ANKRD55: variants seen among roughly 807,000 people sequenced by gnomAD.
ANKRD55 encodes the protein ankyrin repeat domain-containing protein 55.
ANKRD55 carries 41 observed loss-of-function variants against 60.6 expected under a neutral mutation model. The observed-to-expected ratio is 0.68, with a 90% CI of 0.53 to 0.88. The LOEUF is 0.88. Ranked by LOEUF, ANKRD55 falls within the 40% of genes least tolerant of loss-of-function variation. The probability of loss-of-function intolerance (pLI) is 0.00; values close to 1 mark genes in which losing one functional copy is unlikely to be tolerated. For missense variants in ANKRD55, 732 were observed against 767.6 expected (o/e 0.95, Z 0.55); for synonymous variants, 264 against 290.3 (o/e 0.91, Z 0.92).
intron 8 of ANKRD55, among the ~76,000 whole-genome samples, chr5:56,118,802 A>G (rs554751733): frequency 5.9e-5 from 9 of 152,326 alleles, no homozygotes; most frequent in African/African-American, 1.9e-4. Flanking sequence ...AACATCTGTC[A>G]TTAGAGAAAT....
intron 7 of ANKRD55, among the ~76,000 whole-genome samples, chr5:56,131,411 C>T (rs1757408127): frequency 6.6e-6 from 1 of 152,132 alleles, no homozygotes; most frequent in Non-Finnish European, 1.5e-5. Flanking sequence ...TGAAACTGTC[C>T]TTCAAAAGTG....
intron 3 of ANKRD55, among the ~76,000 whole-genome samples, chr5:56,178,489 A>G (rs996595222): frequency 1.1e-4 from 11 of 104,052 alleles, no homozygotes; most frequent in African/African-American, 8.7e-4. Flanking sequence ...TAGAAAATAG[A>G]AAAAAAAAAA....
chr5:56,182,916 C>T (rs1252155418), intron 3 of ANKRD55, among the ~76,000 whole-genome samples: 1 of 152,170 alleles, frequency 6.6e-6, no homozygotes, highest in African/African-American at 2.4e-5. Context: ...TTTCCTGGTC[C>T]TTTTGCCAGA....
chr5:56,160,475 GTGGTCCGCCCGCCTAAGC>G (rs1561275359), intron 5 of ANKRD55, among the ~76,000 whole-genome samples: 2 of 152,120 alleles, frequency 1.3e-5, no homozygotes, highest in African/African-American at 4.8e-5. Context: ...TCCTGACCTC[GTGGTCCGCCCGCCTAAGC>G]CTCCCAAAGT....
At chr5:56,177,740 A>G (rs975043337) in intron 3 of ANKRD55, among the ~76,000 whole-genome samples, 2 of 151,818 alleles carry the variant, frequency 1.3e-5, no homozygotes, top group Non-Finnish European at 2.9e-5. Context: ...GTGCCACTGC[A>G]CTCCAGCCTG....
intron 6 of ANKRD55, among the ~76,000 whole-genome samples, chr5:56,147,070 G>T (rs1330107020): frequency 6.6e-6 from 1 of 152,198 alleles, no homozygotes; most frequent in Admixed American, 6.5e-5. Context: ...TGGTGAAGGG[G>T]TGGGGTGGGA....
chr5:56,120,899 CAA>C (rs34532327), intron 8 of ANKRD55, among the ~76,000 whole-genome samples: 51 of 81,110 alleles, frequency 6.3e-4, no homozygotes, highest in African/African-American at 2.1e-3. Flanking sequence ...GACTCCGTCT[CAA>C]AAAAAAAAAA....
chr5:56,148,602 T>C (rs1394394097), intron 6 of ANKRD55, among the ~76,000 whole-genome samples: 2 of 152,116 alleles, frequency 1.3e-5, no homozygotes, highest in Non-Finnish European at 2.9e-5. Context: ...CTTGAACCTG[T>C]GCCACCACAA....
At chr5:56,141,235 G>A (rs1757756941) in intron 7 of ANKRD55, among the ~76,000 whole-genome samples, 1 of 146,204 alleles carries the variant, frequency 6.8e-6, no homozygotes, top group Non-Finnish European at 1.5e-5. Context: ...GATTCCCAAA[G>A]AGGTGAGATT....
chr5:56,114,911 A>G (rs1363929691), intron 9 of ANKRD55, among the ~76,000 whole-genome samples: 3 of 152,176 alleles, frequency 2.0e-5, no homozygotes, highest in African/African-American at 7.2e-5. Flanking sequence ...GTGGCTGGGT[A>G]TGATGGCTCA....
chr5:56,120,695 C>T (rs192722964), intron 8 of ANKRD55, among the ~76,000 whole-genome samples: 19 of 152,044 alleles, frequency 1.2e-4, no homozygotes, highest in South Asian at 8.3e-4. Context: ...GTCAGGAGAT[C>T]GAGACCATCC....
intron 7 of ANKRD55, among the ~76,000 whole-genome samples, chr5:56,135,270 C>T (rs1757536220): frequency 8.8e-6 from 1 of 113,662 alleles, no homozygotes; most frequent in South Asian, 3.5e-4. Context: ...TTCTTTCCCT[C>T]CCTCCCTCCC....
intron 2 of ANKRD55, chr5:56,192,778 A>G (rs1430434191): frequency 1.9e-6 from 2 of 1,026,958 alleles, no homozygotes; most frequent in East Asian, 2.5e-5. Context: ...ATGAGAACAC[A>G]GACATCGCTG....
At chr5:56,185,565 G>A (rs1758949314) in intron 2 of ANKRD55, among the ~76,000 whole-genome samples, 1 of 151,960 alleles carries the variant, frequency 6.6e-6, no homozygotes, top group Admixed American at 6.6e-5. Context: ...CTACTCGGGA[G>A]GCTGGGGCAG....
chr5:56,187,899 C>G (rs943041673), intron 2 of ANKRD55, among the ~76,000 whole-genome samples: 2 of 152,136 alleles, frequency 1.3e-5, no homozygotes, highest in African/African-American at 4.8e-5. Context: ...CTTCGGAGCT[C>G]TAAGAACAAG....
Position 56,133,815 on chromosome 5 carries a change from A to G in ANKRD55, c.613-6709T>C, listed in dbSNP as rs1191712178. Among the ~76,000 whole-genome samples the G allele has an allele frequency of 3.5e-5, 4 of 115,366 alleles. 2 individuals are homozygous for G. Among genetic ancestry groups the G allele is most frequent in the African/African-American group, 1.1e-4 (4 of 35,450 alleles). 75.7% of individuals were successfully genotyped at this position (115,366 alleles called of 152,430 possible). A position where few individuals can be genotyped will look rare whatever the true frequency, so the allele number is the denominator to read the frequency against. On this transcript the variant is annotated intron_variant, in intron 7 of 11. Transcript: ENST00000341048. ...TAGCAAAAACAATTTCTCAGAAGAA[A>G]ATTTACAGCTTTGAATGTATATATT...
chr5:56,132,658 C>G (rs1259188810), intron 7 of ANKRD55, among the ~76,000 whole-genome samples: 6 of 150,894 alleles, frequency 4.0e-5, no homozygotes, highest in African/African-American at 1.5e-4. Flanking sequence ...CGATGTTACT[C>G]TAACTATATG....
At chr5:56,225,241 T>A (rs1760079123) in intron 2 of ANKRD55, among the ~76,000 whole-genome samples, 1 of 152,190 alleles carries the variant, frequency 6.6e-6, no homozygotes, top group South Asian at 2.1e-4. Context: ...ACCACGTGAT[T>A]ATCTCAATAG....
Position 56,150,477 on chromosome 5 carries a change from G to A in ANKRD55, c.484-6548C>T, listed in dbSNP as rs186602534. 3.2e-4 allele frequency among the ~76,000 whole-genome samples: 48 copies of A among 151,654 alleles called. No homozygotes were observed. In the East Asian group the frequency reaches 4.2e-3, roughly 13 times the overall value. ...AAATTAGTTGGGTATGGTGGTATGC[G>A]CCTGTAGTCCCAGCTACTTGGGAGG... On this transcript the variant is annotated intron_variant, in intron 6 of 11. Transcript: ENST00000341048.
Sources: allele counts gnomAD v4.1 joint callset (sites outside exome capture counted in the v4.1 genomes callset), GRCh38; gene constraint gnomAD v4.1.1; transcripts MANE v1.5; gene names NCBI Gene and HGNC (gene_info 2026-07-23, HGNC 2026-07-21).